Variants in AP2A1 observed in about 807,000 individuals in gnomAD.
AP2A1 encodes AP-2 complex subunit alpha-1.
AP2A1 carries 21 observed loss-of-function variants against 107.3 expected under a neutral mutation model. That is an observed-to-expected ratio of 0.20 (90% CI 0.14 to 0.28). The LOEUF (loss-of-function observed/expected upper bound fraction) is 0.28, where lower values mean the gene tolerates loss of function less well. Among genes scored for constraint, AP2A1 ranks in the 10% least tolerant of loss-of-function variants. The pLI is 1.00. For missense variants in AP2A1, 873 were observed against 1,307.7 expected (o/e 0.67, Z 5.13); for synonymous variants, 602 against 564.8 (o/e 1.07, Z -0.93).
At chr19:49,806,096 G>C (rs762097604) in intron 21 of AP2A1, 23 bp from the exon 22 acceptor site, 1 of 1,573,290 alleles carries the variant, frequency 6.4e-7, no homozygotes, top group South Asian at 1.1e-5. Context: ...GGCACACTCT[G>C]ACGGCGCCCC....
intron 6 of AP2A1, 25 bp from the exon 7 acceptor site, chr19:49,795,605 C>CCCCCCCTTTT: frequency 1.2e-6 from 1 of 812,254 alleles, no homozygotes; most frequent in Non-Finnish European, 1.9e-6. Context: ...CAGCCCCCAA[C>CCCCCCCTTTT]TTATTTCTTG....
intron 15 of AP2A1, chr19:49,802,631 G>C: frequency 6.6e-7 from 1 of 1,516,818 alleles, no homozygotes; most frequent in Non-Finnish European, 8.8e-7. Context: ...GAGGTCGGTC[G>C]GGGGGGCGGA....
rs1027859292 is a variant in AP2A1 at position 49,788,222 on chromosome 19, T to G, written c.474-3713T>G. On this transcript the variant is annotated intron_variant, in intron 4 of 22. Transcript: ENST00000354293. The surrounding 1 kb of genome is among the most constrained non-coding windows in gnomAD (Gnocchi z 4.5). ...CCTCAGCTTCCCAAAGTGCTGAGAT[T>G]ACAGGCGTGAGCCACCGCGCCTGAC... 2.0e-5 allele frequency among the ~76,000 whole-genome samples: 3 copies of G among 152,238 alleles called. No individual in the cohort carries two copies. The highest frequency in any genetic ancestry group is 4.4e-5 in the Non-Finnish European group (3 of 68,034).
intron 4 of AP2A1, among the ~76,000 whole-genome samples, chr19:49,787,875 C>T (rs186891507): frequency 8.5e-4 from 130 of 152,336 alleles, no homozygotes; most frequent in African/African-American, 3.0e-3. Flanking sequence ...TGGAACCGCA[C>T]AGTAGGTGGC....
intron 1 of AP2A1, among the ~76,000 whole-genome samples, chr19:49,772,239 T>C (rs1168989605): frequency 6.7e-6 from 1 of 148,684 alleles, no homozygotes; most frequent in Non-Finnish European, 1.5e-5. Flanking sequence ...TTTGTATTTT[T>C]CATAGAGTTT....
intron 18 of AP2A1, chr19:49,804,663 AGAT>A (rs1419642951): frequency 6.6e-6 from 1 of 152,272 alleles, no homozygotes; most frequent in Non-Finnish European, 1.5e-5. Context: ...ACACGGATGC[AGAT>A]GATGATAACA....
chr19:49,767,143 G>T lies in AP2A1; in HGVS notation c.10G>T (p.Val4Leu), dbSNP rs1393595163. Residue 4 changes from valine to leucine, a missense_variant, in exon 1 of 23, where the codon GTG (valine) becomes TTG (leucine). Physicochemically the swap from Val to Leu is conservative, Grantham distance 32 (BLOSUM62 1). This residue lies in a region of AP2A1 where 87 missense variants were observed against 178.2 expected (regional missense o/e 0.49). Coordinates refer to ENST00000354293, the MANE Select transcript of AP2A1 (RefSeq NM_130787.3). The part of the protein sequence containing the change: MPA[V>L]SKGDGMRGLA... ...CGACACCACCGCCATCATGCCGGCCGTGTCCAAGGGCGATGGGATGCGGGG... is the reference window on the plus strand; with the variant it reads ...CGACACCACCGCCATCATGCCGGCCTTGTCCAAGGGCGATGGGATGCGGGG... 6.2e-7 allele frequency: 1 copy of T among 1,611,736 alleles called. No individual in the cohort carries two copies. Among genetic ancestry groups the T allele is most frequent in the South Asian group, 1.1e-5 (1 of 91,040 alleles).
rs749015424 is a variant in AP2A1, at chr19:49,801,877, C to T, written c.1941C>T (p.Thr647=). The change falls in exon 14 of 23, where the codon ACC becomes ACT. Residue 647 remains threonine (T), a synonymous_variant. Coordinates refer to ENST00000354293, the MANE Select transcript of AP2A1 (RefSeq NM_130787.3). The stretch of plus-strand genomic sequence containing the variant: ...ACATCAACGGGGGCATGGAGCCCAC[C>T]CCCAGCACTGTGGTGAGTCCCCTGG... ...SNDINGGMEP[T]PSTVSTPSPS... is the part of the protein sequence containing the mutation. The T allele has an allele frequency of 7.0e-5, 104 of 1,492,196 alleles. No individual in the cohort carries two copies. Among genetic ancestry groups the T allele is most frequent in the Admixed American group, 2.1e-4 (9 of 42,052 alleles). 92.4% of individuals were successfully genotyped at this position (1,492,196 alleles called of 1,614,324 possible). A position where few individuals can be genotyped will look rare whatever the true frequency, so the allele number is the denominator to read the frequency against.
At chr19:49,781,910 T>C in intron 2 of AP2A1, 37 bp from the exon 3 acceptor site, 1 of 1,585,440 alleles carries the variant, frequency 6.3e-7, no homozygotes, top group South Asian at 1.1e-5. Flanking sequence ...GACCCTTCCT[T>C]ATTTCTGGCT....
chr19:49,767,320 C>T, intron 1 of AP2A1, 120 bp downstream of exon 1: 1 of 1,229,594 alleles, frequency 8.1e-7, no homozygotes, highest in Non-Finnish European at 1.1e-6. Context: ...ATAGGGACAG[C>T]ATAGATGGGC....
intron 15 of AP2A1, chr19:49,802,358 C>T (rs1370631832): frequency 1.2e-6 from 1 of 866,600 alleles, no homozygotes; most frequent in East Asian, 2.6e-5. Context: ...CCCTGGCCAC[C>T]CTTCGTTGTC....
Position 49,795,646 on chromosome 19 carries a change from C to T in AP2A1, c.722C>T (p.Ser241Phe). The change falls in exon 7 of 23, where the codon TCC (serine) becomes TTC (phenylalanine). Residue 241 changes from serine to phenylalanine, a missense_variant. Ser to Phe is a radical substitution (Grantham distance 155). Around this residue, in one of 4 missense-constraint regions of AP2A1, gnomAD observed 157 missense variants for 212.6 expected, o/e 0.74. Transcript: ENST00000354293. ...CCCCGCCAGATCGTCTCCTCTGCCT[C>T]CACCGACCTCCAGGACTACACCTAC... Reference protein sequence around the residue: ...SRLSRIVSSASTDLQDYTYYF... With the variant: ...SRLSRIVSSAFTDLQDYTYYF... 1 of 1,563,000 alleles carries T rather than the reference C, an allele frequency of 6.4e-7. No homozygotes were observed. Among genetic ancestry groups the T allele is most frequent in the Non-Finnish European group, 8.7e-7 (1 of 1,153,236 alleles).
chr19:49,772,872 G>A (rs1415274867), intron 1 of AP2A1, among the ~76,000 whole-genome samples: 1 of 151,992 alleles, frequency 6.6e-6, no homozygotes, highest in Non-Finnish European at 1.5e-5. Context: ...CTGTGTGGCT[G>A]GTGCAGAGAG....
intron 18 of AP2A1, 58 bp downstream of exon 18, chr19:49,803,434 G>T: frequency 6.9e-7 from 1 of 1,455,190 alleles, no homozygotes; most frequent in South Asian, 1.1e-5. Flanking sequence ...TCCTCACCGT[G>T]GGGAAGCCGG....
intron 6 of AP2A1, among the ~76,000 whole-genome samples, chr19:49,794,733 G>C (rs894640423): frequency 6.6e-6 from 1 of 152,098 alleles, no homozygotes; most frequent in South Asian, 2.1e-4. Context: ...CGTGATCTTG[G>C]CTCACTGCAA....
intron 6 of AP2A1, among the ~76,000 whole-genome samples, chr19:49,795,261 T>G (rs2073197761): frequency 1.3e-5 from 2 of 152,272 alleles, no homozygotes; most frequent in South Asian, 2.1e-4. Context: ...CAGCATTACT[T>G]GGAAAGATCA....
In AP2A1 at chr19:49,782,695, C is replaced by A. The variant is rs376406307; in HGVS notation, c.444C>A (p.Ala148=). The A allele has an allele frequency of 3.1e-5, 50 of 1,608,226 alleles. No homozygotes were observed. In the African/African-American group the frequency reaches 5.5e-4, roughly 18 times the overall value. ...VGSREMGEAF[A]ADIPRILVAG... ...GCCGGGAGATGGGCGAGGCCTTTGC[C>A]GCTGACATCCCCCGCATCCTGGTGG... Residue 148 remains alanine (A), a synonymous_variant, in exon 4 of 23, where the codon GCC becomes GCA. Transcript: ENST00000354293.
chr19:49,799,157 TCAAAGGCC>T (rs1331449039), intron 8 of AP2A1, among the ~76,000 whole-genome samples, 162 bp from the exon 9 acceptor site: 1 of 152,158 alleles, frequency 6.6e-6, no homozygotes, highest in Non-Finnish European at 1.5e-5. Context: ...TTCTCTGGGC[TCAAAGGCC>T]CAGTTGTCTG....
At chr19:49,767,321 A>G in intron 1 of AP2A1, 121 bp downstream of exon 1, 1 of 1,233,954 alleles carries the variant, frequency 8.1e-7, no homozygotes, top group South Asian at 1.3e-5. Flanking sequence ...TAGGGACAGC[A>G]TAGATGGGCC....
Sources: allele counts gnomAD v4.1 joint callset (sites outside exome capture counted in the v4.1 genomes callset), GRCh38; gene constraint gnomAD v4.1.1; regional missense constraint gnomAD v4.1.1; non-coding constraint Gnocchi (gnomAD v3.1); transcripts MANE v1.5; gene names NCBI Gene and HGNC (gene_info 2026-07-23, HGNC 2026-07-21).